The following KCNQ1OT1 variants were observed in gnomAD, a reference collection of about 807,000 sequenced individuals.
The protein encoded by KCNQ1OT1 is KCNQ1 antisense RNA 2 (non-protein coding).
At chr11:2,692,678 T>TA (rs1850607889) in exon 1 of KCNQ1OT1, 1 of 398,590 alleles carries the variant, frequency 2.5e-6, no homozygotes, top group South Asian at 1.3e-4. Context: ...CAACATTAGT[T>TA]AGTCTTTCTC....
chr11:2,688,721 G>A (rs1850535267), exon 1 of KCNQ1OT1: 3 of 399,002 alleles, frequency 7.5e-6, no homozygotes, highest in Non-Finnish European at 1.3e-5. Context: ...TACAAATTGG[G>A]TGGCCCGGCT....
Position 2,624,803 on chromosome 11 carries a change from A to C in KCNQ1OT1, n.75192T>G, listed in dbSNP as rs1048928536. ...TACTTTCTATGTCTCTGATTTGACTATTCTACATACCTCATATAAGTGGAA... is the reference window on the plus strand; with the variant it reads ...TACTTTCTATGTCTCTGATTTGACTCTTCTACATACCTCATATAAGTGGAA... On this transcript the variant is annotated non_coding_transcript_exon_variant, in exon 1 of 1. Coordinates refer to ENST00000597346, the Ensembl canonical transcript of KCNQ1OT1. This position sits in a 1 kb window ranked among gnomAD's most constrained non-coding sequence, Gnocchi z 4.9. 2.5e-6 allele frequency: 1 copy of C among 398,396 alleles called. No individual in the cohort carries two copies. The highest frequency in any genetic ancestry group is 4.4e-6 in the Non-Finnish European group (1 of 226,050). 24.7% of individuals were successfully genotyped at this position (398,396 alleles called of 1,614,324 possible).
chr11:2,645,048 T>A lies in KCNQ1OT1; in HGVS notation n.54947A>T, dbSNP rs1849645730. ...TGGGCCTCCAGGCAACTTGCTCAGG[T>A]GCCAATGATGACAGAGCTGGGCCAC... is the stretch of plus-strand genomic sequence containing the variant. On this transcript the variant is annotated non_coding_transcript_exon_variant, in exon 1 of 1. Transcript: ENST00000597346. The surrounding 1 kb of genome is among the most constrained non-coding windows in gnomAD (Gnocchi z 5.8). 5.0e-6 allele frequency: 2 copies of A among 398,808 alleles called. No homozygotes were observed. Among genetic ancestry groups the A allele is most frequent in the Admixed American group, 8.8e-5 (2 of 22,744 alleles). The allele number at this position is 398,808 out of a possible 1,614,324, so 24.7% of individuals were successfully genotyped here.
exon 1 of KCNQ1OT1, chr11:2,655,629 T>A: frequency 2.5e-6 from 1 of 398,724 alleles, no homozygotes; most frequent in Non-Finnish European, 4.4e-6. Flanking sequence ...CCTCAAGCCC[T>A]GGCCTGAAAG....
exon 1 of KCNQ1OT1, chr11:2,640,142 C>T (rs1012954787): frequency 2.8e-6 from 1 of 351,416 alleles, no homozygotes; most frequent in Non-Finnish European, 5.1e-6. Flanking sequence ...ATTCCCTGAC[C>T]CCTTGTGCTT....
chr11:2,614,828 G>A (rs1192818232), exon 1 of KCNQ1OT1: 1 of 398,314 alleles, frequency 2.5e-6, no homozygotes, highest in African/African-American at 2.1e-5. Flanking sequence ...GCAGGCCTGA[G>A]TCTTCCAACT....
At chr11:2,619,533 T>A (rs1205996147) in exon 1 of KCNQ1OT1, 2 of 398,588 alleles carry the variant, frequency 5.0e-6, no homozygotes, top group East Asian at 7.1e-5. Context: ...ACATGATATA[T>A]AATCTTTTTG....
rs1339482433 is a variant in KCNQ1OT1 at position 2,668,362 on chromosome 11, C to T, written n.31633G>A. 5.0e-6 allele frequency: 2 copies of T among 398,444 alleles called. No individual in the cohort carries two copies. The highest frequency in any genetic ancestry group is 8.8e-6 in the Non-Finnish European group (2 of 226,072). 24.7% of individuals were successfully genotyped at this position (398,444 alleles called of 1,614,324 possible). A position where few individuals can be genotyped will look rare whatever the true frequency, so the allele number is the denominator to read the frequency against. On this transcript the variant is annotated non_coding_transcript_exon_variant, in exon 1 of 1. Coordinates refer to ENST00000597346, the Ensembl canonical transcript of KCNQ1OT1. This position sits in a 1 kb window ranked among gnomAD's most constrained non-coding sequence, Gnocchi z 4.3. The stretch of plus-strand genomic sequence containing the variant: ...AGGGTCCTGGGTGGGCATATGTTTA[C>T]TCTTAGTGAATACTACCCAGCAGTC...
exon 1 of KCNQ1OT1, chr11:2,650,476 C>CTGGTTT: frequency 2.5e-6 from 1 of 398,616 alleles, no homozygotes; most frequent in East Asian, 3.6e-5. Context: ...GGTTCTGGTT[C>CTGGTTT]AGTGCAGAAG....
rs1392234336 is a variant in KCNQ1OT1 at position 2,655,935 on chromosome 11, A to G, written n.44060T>C. On this transcript the variant is annotated non_coding_transcript_exon_variant, in exon 1 of 1. Coordinates refer to ENST00000597346, the Ensembl canonical transcript of KCNQ1OT1. ...TTCCCAGGATTAAACCAAAAAGCAC[A>G]CATTCCTCTCTGGCAGGTGCAGGTC... 10 of 398,666 alleles carry G rather than the reference A, an allele frequency of 2.5e-5. No individual in the cohort carries two copies. In the East Asian group the frequency reaches 3.6e-4, roughly 14 times the overall value. The allele number at this position is 398,666 out of a possible 1,614,324, so 24.7% of individuals were successfully genotyped here.
Position 2,614,626 on chromosome 11 carries a change from TAA to T in KCNQ1OT1, n.85367_85368del, listed in dbSNP as rs1174142112. 2.3e-5 allele frequency: 9 copies of T among 398,396 alleles called. No homozygotes were observed. The East Asian group carries it at 2.9e-4, about 13-fold the overall frequency. 24.7% of individuals were successfully genotyped at this position (398,396 alleles called of 1,614,324 possible). On this transcript the variant is annotated non_coding_transcript_exon_variant, in exon 1 of 1. Transcript: ENST00000597346. ...ATCCAGTTGCCCCAGCACCATTTGTTAAAAGACTACTCTTCCCACTGAATTCT... is the reference window on the plus strand; with the variant it reads ...ATCCAGTTGCCCCAGCACCATTTGTTAAGACTACTCTTCCCACTGAATTCT...
Position 2,627,367 on chromosome 11 carries a change from A to C in KCNQ1OT1, n.72628T>G. ...TCTTAGCAAATTCCAAGTATAGAAT[A>C]TATTAACTATAGTCACCAATCTGGA... On this transcript the variant is annotated non_coding_transcript_exon_variant, in exon 1 of 1. Transcript: ENST00000597346. This position sits in a 1 kb window ranked among gnomAD's most constrained non-coding sequence, Gnocchi z 4.9. The C allele has an allele frequency of 2.5e-6, 1 of 398,538 alleles. No individual in the cohort carries two copies. Among genetic ancestry groups the C allele is most frequent in the Non-Finnish European group, 4.4e-6 (1 of 226,040 alleles). The allele number at this position is 398,538 out of a possible 1,614,324, so 24.7% of individuals were successfully genotyped here. A position where few individuals can be genotyped will look rare whatever the true frequency, so the allele number is the denominator to read the frequency against.
exon 1 of KCNQ1OT1, chr11:2,631,177 C>CT (rs910216081): frequency 1.8e-5 from 7 of 398,416 alleles, no homozygotes; most frequent in Non-Finnish European, 2.7e-5. Context: ...AATTAACTTT[C>CT]TACCCTTTAC....
rs145704168 is a variant in KCNQ1OT1, at chr11:2,674,303, G to A, written n.25692C>T. Reference sequence around the variant, plus strand: ...TAGGACCTTTCTTCATCATGCAGCCGTAGAGCTGGAGGCCAAGGACACCCT... The same window carrying A: ...TAGGACCTTTCTTCATCATGCAGCCATAGAGCTGGAGGCCAAGGACACCCT... On this transcript the variant is annotated non_coding_transcript_exon_variant, in exon 1 of 1. Transcript: ENST00000597346. This position sits in a 1 kb window ranked among gnomAD's most constrained non-coding sequence, Gnocchi z 5.9. 218 of 398,694 alleles carry A rather than the reference G, an allele frequency of 5.5e-4. No individual in the cohort carries two copies. The highest frequency in any genetic ancestry group is 3.6e-3 in the Admixed American group (81 of 22,736). 24.7% of individuals were successfully genotyped at this position (398,694 alleles called of 1,614,324 possible).
In KCNQ1OT1 at chr11:2,647,203, G is replaced by C; in HGVS notation, n.52792C>G. ...CATGAAGAGATTTTGAATTTTATCA[G>C]ATGCTTTTTCTGCATCTATTGAGAT... On this transcript the variant is annotated non_coding_transcript_exon_variant, in exon 1 of 1. Transcript: ENST00000597346. The surrounding 1 kb of genome is among the most constrained non-coding windows in gnomAD (Gnocchi z 4.0). 1 of 398,354 alleles carries C rather than the reference G, an allele frequency of 2.5e-6. No homozygotes were observed. Among genetic ancestry groups the C allele is most frequent in the Non-Finnish European group, 4.4e-6 (1 of 225,998 alleles). 24.7% of individuals were successfully genotyped at this position (398,354 alleles called of 1,614,324 possible). A position where few individuals can be genotyped will look rare whatever the true frequency, so the allele number is the denominator to read the frequency against.
chr11:2,699,552 G>C, exon 1 of KCNQ1OT1: 1 of 320,870 alleles, frequency 3.1e-6, no homozygotes, highest in East Asian at 5.4e-5. Context: ...GGAGGACCGC[G>C]CGGAGGAGAA....
rs935055858 is a variant in KCNQ1OT1 at position 2,668,160 on chromosome 11, A to G, written n.31835T>C. 10 of 398,498 alleles carry G rather than the reference A, an allele frequency of 2.5e-5. No individual in the cohort carries two copies. Among genetic ancestry groups the G allele is most frequent in the Non-Finnish European group, 3.5e-5 (8 of 226,088 alleles). 24.7% of individuals were successfully genotyped at this position (398,498 alleles called of 1,614,324 possible). A position where few individuals can be genotyped will look rare whatever the true frequency, so the allele number is the denominator to read the frequency against. On this transcript the variant is annotated non_coding_transcript_exon_variant, in exon 1 of 1. Coordinates refer to ENST00000597346, the Ensembl canonical transcript of KCNQ1OT1. The surrounding 1 kb of genome is among the most constrained non-coding windows in gnomAD (Gnocchi z 4.3). ...GGGGCTGAAGGGAGAGTGCTCCCTCATGCTCCTTGCTGACTGGTGCTCCAT... is the reference window on the plus strand; with the variant it reads ...GGGGCTGAAGGGAGAGTGCTCCCTCGTGCTCCTTGCTGACTGGTGCTCCAT...
In KCNQ1OT1 at chr11:2,645,985, G is replaced by A. The variant is rs573185666; in HGVS notation, n.54010C>T. 17 of 398,652 alleles carry A rather than the reference G, an allele frequency of 4.3e-5. No individual in the cohort carries two copies. The South Asian group carries it at 2.0e-3, about 48-fold the overall frequency. The allele number at this position is 398,652 out of a possible 1,614,324, so 24.7% of individuals were successfully genotyped here. Reference sequence around the variant, plus strand: ...GGGTTCTCTGACTAGGATTTCAGGAGTCTGCTGTGGGAATGTGGACCACTA... The same window carrying A: ...GGGTTCTCTGACTAGGATTTCAGGAATCTGCTGTGGGAATGTGGACCACTA... On this transcript the variant is annotated non_coding_transcript_exon_variant, in exon 1 of 1. Coordinates refer to ENST00000597346, the Ensembl canonical transcript of KCNQ1OT1. The surrounding 1 kb of genome is among the most constrained non-coding windows in gnomAD (Gnocchi z 5.8).
At chr11:2,631,697 G>T in exon 1 of KCNQ1OT1, 1 of 398,532 alleles carries the variant, frequency 2.5e-6, no homozygotes, top group Non-Finnish European at 4.4e-6. Context: ...GTGTTAAGTA[G>T]GTAGGGTGCA....
Sources: allele counts gnomAD v4.1 joint callset, GRCh38; gene constraint gnomAD v4.1.1; non-coding constraint Gnocchi (gnomAD v3.1); transcripts MANE v1.5; gene names NCBI Gene and HGNC (gene_info 2026-07-23, HGNC 2026-07-21).